The following GLIS3 variants were observed in gnomAD, a reference collection of about 807,000 sequenced individuals.
GLIS3 encodes the protein GLIS family zinc finger 3.
A neutral mutation model predicts 78.6 loss-of-function variants in GLIS3; 53 were observed. The ratio of observed to expected loss-of-function variants is 0.67; its 90% CI spans 0.54 to 0.85. The LOEUF is 0.85. Among genes scored for constraint, GLIS3 ranks in the 40% least tolerant of loss-of-function variants. The probability of loss-of-function intolerance (pLI) is 0.00; values close to 1 mark genes in which losing one functional copy is unlikely to be tolerated. For synonymous variants in GLIS3, 684 were observed against 509.9 expected (o/e 1.34, Z -4.60); for missense variants, 1,703 against 1,231.1 (o/e 1.38, Z -5.74).
At chr9:4,465,613 C>A in the GLIS3 span, among the ~76,000 whole-genome samples, 3 of 152,026 alleles carry the variant, frequency 2.0e-5, no homozygotes, top group African/African-American at 7.2e-5. Context: ...TTTGTAAATC[C>A]AAGGATAAAT....
chr9:3,845,449 C>A (rs1433711802), intron 9 of GLIS3, among the ~76,000 whole-genome samples: 1 of 152,062 alleles, frequency 6.6e-6, no homozygotes, highest in African/African-American at 2.4e-5. Flanking sequence ...TAGTCATTAC[C>A]TTTGAGCAGT....
chr9:4,267,803 T>G (rs936261927), intron 2 of GLIS3, among the ~76,000 whole-genome samples: 1 of 152,168 alleles, frequency 6.6e-6, no homozygotes, highest in African/African-American at 2.4e-5. Flanking sequence ...TCAAAGTTAG[T>G]GCCAAGAATG....
intron 2 of GLIS3, among the ~76,000 whole-genome samples, chr9:4,206,534 G>A (rs879928952): frequency 1.1e-4 from 17 of 152,132 alleles, no homozygotes; most frequent in Admixed American, 2.0e-4. Context: ...TATGTGCAGT[G>A]GACATTTAAA....
chr9:4,100,729 G>A (rs1047581872), intron 4 of GLIS3, among the ~76,000 whole-genome samples: 1 of 152,098 alleles, frequency 6.6e-6, no homozygotes. Flanking sequence ...TAATATTGAG[G>A]GGGGGACAAA....
At chr9:4,344,333 C>A (rs927418385) in intron 2 of GLIS3, among the ~76,000 whole-genome samples, 2 of 152,198 alleles carry the variant, frequency 1.3e-5, no homozygotes, top group Admixed American at 1.3e-4. Context: ...AATTCTCAGT[C>A]CTCATCCTAT....
chr9:4,457,473 C>T, the GLIS3 span, among the ~76,000 whole-genome samples: 4 of 152,054 alleles, frequency 2.6e-5, no homozygotes, highest in Non-Finnish European at 5.9e-5. Flanking sequence ...ACATCTTTCA[C>T]TCTTAACACC....
chr9:4,175,173 G>A (rs951839783), intron 2 of GLIS3, among the ~76,000 whole-genome samples: 1 of 152,160 alleles, frequency 6.6e-6, no homozygotes, highest in African/African-American at 2.4e-5. Flanking sequence ...CTGGACCTGA[G>A]AATTCCTCCA....
the GLIS3 span, among the ~76,000 whole-genome samples, chr9:4,382,507 C>G: frequency 1.3e-5 from 2 of 152,202 alleles, no homozygotes; most frequent in South Asian, 4.1e-4. Context: ...CAAACATCAT[C>G]TTGCTTAGTC....
chr9:4,327,970 G>A (rs1015119819), intron 2 of GLIS3, among the ~76,000 whole-genome samples: 2 of 148,866 alleles, frequency 1.3e-5, no homozygotes, highest in East Asian at 2.0e-4. Context: ...CGGGAAAAAG[G>A]AAAGTAGGAA....
intron 2 of GLIS3, among the ~76,000 whole-genome samples, chr9:4,144,133 G>A (rs750827862): frequency 9.9e-5 from 15 of 152,160 alleles, no homozygotes; most frequent in African/African-American, 3.4e-4. Context: ...AACAAAGATC[G>A]AGAAACCTTG....
chr9:4,393,794 G>C, the GLIS3 span, among the ~76,000 whole-genome samples: 1 of 152,074 alleles, frequency 6.6e-6, no homozygotes, highest in Admixed American at 6.5e-5. Flanking sequence ...TCCATTTTTA[G>C]TAATGTTAAC....
At chr9:4,377,196 T>C in the GLIS3 span, among the ~76,000 whole-genome samples, 68 of 133,560 alleles carry the variant, frequency 5.1e-4, 10 homozygotes, top group African/African-American at 1.7e-3. Context: ...AGAGGACTGG[T>C]AGAGGAAGAC....
chr9:3,994,419 T>A (rs187039215), intron 4 of GLIS3, among the ~76,000 whole-genome samples: 2 of 152,348 alleles, frequency 1.3e-5, no homozygotes, highest in East Asian at 3.9e-4. Flanking sequence ...GATTTGGGAT[T>A]CATTTTTCTC....
chr9:3,858,483 A>G (rs1006362676), intron 8 of GLIS3, among the ~76,000 whole-genome samples: 3 of 152,182 alleles, frequency 2.0e-5, no homozygotes, highest in African/African-American at 4.8e-5. Flanking sequence ...TCTCAAGGAC[A>G]TGAAGGAATA....
intron 4 of GLIS3, among the ~76,000 whole-genome samples, chr9:3,968,545 T>C (rs7044604): frequency 0.15 from 22,105 of 152,172 alleles, 2,151 homozygotes; most frequent in African/African-American, 0.28. Flanking sequence ...TTGATTAAAT[T>C]ATACAAATTA....
chr9:4,153,711 A>T lies in GLIS3; in HGVS notation c.389-27770T>A, dbSNP rs1586823573. Among the ~76,000 whole-genome samples, 3 of 152,328 alleles carry T rather than the reference A, an allele frequency of 2.0e-5. No individual in the cohort carries two copies. In the East Asian group the frequency reaches 5.8e-4, roughly 29 times the overall value. On this transcript the variant is annotated intron_variant, in intron 2 of 10. Coordinates refer to ENST00000381971, the MANE Select transcript of GLIS3 (RefSeq NM_001042413.2). ...ATGAGTGGATGAAAAGAGATCAATA[A>T]ATGGTAGTGGGTCAACAGTTTATTA...
the GLIS3 span, among the ~76,000 whole-genome samples, chr9:4,401,979 A>ACAACAGATAAACTGC: frequency 6.6e-6 from 1 of 152,130 alleles, no homozygotes; most frequent in African/African-American, 2.4e-5. Flanking sequence ...GTAGAATAGA[A>ACAACAGATAAACTGC]CAACAGATAA....
the GLIS3 span, among the ~76,000 whole-genome samples, chr9:4,426,357 T>G: frequency 6.6e-6 from 1 of 152,178 alleles, no homozygotes; most frequent in African/African-American, 2.4e-5. Context: ...GAAACTTAAG[T>G]CCCAACCAAC....
intron 2 of GLIS3, among the ~76,000 whole-genome samples, chr9:4,181,240 G>A (rs770420897): frequency 6.6e-6 from 1 of 152,222 alleles, no homozygotes; most frequent in Non-Finnish European, 1.5e-5. Flanking sequence ...CCATCTGCTG[G>A]ACACTAGGGC....
Sources: gnomAD v4.1 joint callset for allele counts (sites outside exome capture counted in the v4.1 genomes callset) on GRCh38, gnomAD v4.1.1 for gene constraint, MANE v1.5 for transcripts, NCBI Gene and HGNC (gene_info 2026-07-23, HGNC 2026-07-21) for gene names.